Variants in RAD51C observed in about 807,000 individuals in gnomAD.
The protein encoded by RAD51C is RAD51 paralog C.
Under a neutral mutation model 45.0 loss-of-function variants are expected in RAD51C, and 42 were observed. That is an observed-to-expected ratio of 0.93 (90% CI 0.73 to 1.21). RAD51C has a LOEUF of 1.21. RAD51C is among the 50% of genes most tolerant of loss of function. The pLI is 0.00. For synonymous variants in RAD51C, 172 were observed against 159.8 expected (o/e 1.08, Z -0.58); for missense variants, 474 against 452.2 (o/e 1.05, Z -0.44).
intron 3 of RAD51C, among the ~76,000 whole-genome samples, chr17:58,697,547 AAAAAAAAAAACC>A (rs1161027822): frequency 2.2e-5 from 3 of 138,168 alleles, no homozygotes; most frequent in African/African-American, 7.6e-5. Flanking sequence ...TCTTAAAAAA[AAAAAAAAAAACC>A]AAAAAAAAAA....
intron 2 of RAD51C, among the ~76,000 whole-genome samples, chr17:58,695,945 T>TA (rs1392956320): frequency 6.6e-6 from 1 of 151,958 alleles, no homozygotes; most frequent in Non-Finnish European, 1.5e-5. Context: ...TTCACGCCTA[T>TA]AGTCTCAGCT....
Position 58,734,061 on chromosome 17 carries a change from A to G in RAD51C, c.1027-57A>G, listed in dbSNP as rs1323353751. 11 of 1,560,210 alleles carry G rather than the reference A, an allele frequency of 7.1e-6. No homozygotes were observed. The East Asian group carries it at 2.6e-4, about 37-fold the overall frequency. ...TATTAGTTACTTAAAAATATTTCTA[A>G]GATCAGTCTTCAAATGTTCTTAAAG... On this transcript the variant is annotated intron_variant, in intron 8 of 8. Coordinates refer to ENST00000337432, the MANE Select transcript of RAD51C (RefSeq NM_058216.3).
chr17:58,703,621 A>G (rs1214581330), intron 4 of RAD51C, among the ~76,000 whole-genome samples: 2 of 152,196 alleles, frequency 1.3e-5, no homozygotes, highest in Non-Finnish European at 2.9e-5. Flanking sequence ...AATGAAAAAT[A>G]AAAACTTCCT....
At position 58,709,863 on chromosome 17, in the gene RAD51C, G is replaced by A. The variant is rs370393672; in HGVS notation, c.710G>A (p.Arg237Gln). ...PDFLSEHSKV[R>Q]LVIVDGIAFP... ...TATTATCTCTTCTGTATTTAGGTTC[G>A]ACTAGTGATAGTGGATGGTATTGCT... The change falls in exon 5 of 9, where the codon CGA (arginine) becomes CAA (glutamine). Residue 237 changes from arginine (R) to glutamine (Q), a missense_variant. By Grantham distance (43) the Arg-to-Gln change is conservative (BLOSUM62 1). Coordinates refer to ENST00000337432, the MANE Select transcript of RAD51C (RefSeq NM_058216.3). 1.3e-5 allele frequency: 21 copies of A among 1,604,782 alleles called. No individual in the cohort carries two copies. Among genetic ancestry groups the A allele is most frequent in the East Asian group, 2.2e-5 (1 of 44,794 alleles).
At chr17:58,709,716 G>A in intron 4 of RAD51C, 143 bp from the exon 5 acceptor site, 5 of 728,652 alleles carry the variant, frequency 6.9e-6, no homozygotes, top group Non-Finnish European at 1.1e-5. Context: ...ACTGTTCCAG[G>A]CATTGGGGAT....
chr17:58,724,928 ATGTCTATTTTT>A (rs886547134), intron 7 of RAD51C, among the ~76,000 whole-genome samples: 2 of 152,180 alleles, frequency 1.3e-5, no homozygotes, highest in African/African-American at 4.8e-5. Context: ...GCCAGTGAAA[ATGTCTATTTTT>A]TAATCTATAT....
At chr17:58,710,317 T>TAAA (rs71143280) in intron 5 of RAD51C, among the ~76,000 whole-genome samples, 767 of 67,342 alleles carry the variant, frequency 0.011, 29 homozygotes, top group African/African-American at 0.043. Context: ...CTGTCTCTAC[T>TAAA]AAAAAAAAAA....
At chr17:58,725,576 C>G (rs141979235) in intron 7 of RAD51C, among the ~76,000 whole-genome samples, 5 of 152,204 alleles carry the variant, frequency 3.3e-5, no homozygotes, top group African/African-American at 1.2e-4. Flanking sequence ...GAAAAGTTTG[C>G]CTTCTTTGTC....
chr17:58,709,720 T>G (rs1042509419), intron 4 of RAD51C, 139 bp from the exon 5 acceptor site: 100 of 767,698 alleles, frequency 1.3e-4, no homozygotes, highest in Non-Finnish European at 2.0e-4. Context: ...TTCCAGGCAT[T>G]GGGGATGATA....
At chr17:58,713,814 A>G (rs1237862395) in intron 5 of RAD51C, among the ~76,000 whole-genome samples, 1 of 151,882 alleles carries the variant, frequency 6.6e-6, no homozygotes, top group African/African-American at 2.4e-5. Context: ...GCTCCAAAAT[A>G]AATAAATAAA....
chr17:58,692,712 G>A lies in RAD51C; in HGVS notation c.69G>A (p.Val23=), dbSNP rs876659581. ...TGAGTTTCCCGCTGTCTCCAGCGGT[G>A]CGGGTGAAGCTGGTGTCTGCGGGGT... ...DLVSFPLSPA[V]RVKLVSAGFQ... is the part of the protein sequence containing the mutation. The change falls in exon 1 of 9, where the codon GTG becomes GTA. Residue 23 remains valine, a synonymous_variant. Transcript: ENST00000337432. 6.2e-7 allele frequency: 1 copy of A among 1,614,266 alleles called. No homozygotes were observed. The highest frequency in any genetic ancestry group is 8.5e-7 in the Non-Finnish European group (1 of 1,180,052).
At chr17:58,711,211 G>A (rs1002571733) in intron 5 of RAD51C, among the ~76,000 whole-genome samples, 2 of 152,088 alleles carry the variant, frequency 1.3e-5, no homozygotes, top group Non-Finnish European at 2.9e-5. Flanking sequence ...AACAGAAATA[G>A]CTTCACCTTT....
At chr17:58,692,846 CT>C (rs2047826804) in intron 1 of RAD51C, 58 bp downstream of exon 1, 1 of 1,612,124 alleles carries the variant, frequency 6.2e-7, no homozygotes, top group South Asian at 1.1e-5. Flanking sequence ...CCGCCTCAGT[CT>C]TCGTTCTCTC....
chr17:58,708,861 C>A (rs2048459956), intron 4 of RAD51C, among the ~76,000 whole-genome samples: 1 of 151,716 alleles, frequency 6.6e-6, no homozygotes, highest in South Asian at 2.1e-4. Context: ...AGCCACCGCG[C>A]CCAGCCTGAA....
intron 1 of RAD51C, chr17:58,694,330 A>G (rs2047912788): frequency 6.5e-6 from 1 of 154,112 alleles, no homozygotes; most frequent in South Asian, 2.0e-4. Context: ...CAAAAGGGAT[A>G]GTAAAAATAT....
Position 58,720,747 on chromosome 17 carries a change from T to C in RAD51C, c.839T>C (p.Val280Ala). The change falls in exon 6 of 9, where the codon GTA becomes GCA. Residue 280 changes from valine to alanine, a missense_variant and splice_region_variant. By Grantham distance (64) the Val-to-Ala change is moderately conservative. Transcript: ENST00000337432. ...ISLANNHRLA[V>A]ILTNQMTTKI... ...TTTTCTTACATTTTGTTTTTGTAGGTAATTTTAACCAATCAGATGACAACA... is the reference window on the plus strand; with the variant it reads ...TTTTCTTACATTTTGTTTTTGTAGGCAATTTTAACCAATCAGATGACAACA... The C allele has an allele frequency of 6.2e-7, 1 of 1,610,546 alleles. No individual in the cohort carries two copies. The highest frequency in any genetic ancestry group is 8.5e-7 in the Non-Finnish European group (1 of 1,177,104).
chr17:58,734,339 C>A lies in RAD51C; in HGVS notation c.*117C>A. The A allele has an allele frequency of 6.7e-7, 1 of 1,500,652 alleles. No individual in the cohort carries two copies. The highest frequency in any genetic ancestry group is 9.0e-7 in the Non-Finnish European group (1 of 1,113,564). 93.0% of individuals were successfully genotyped at this position (1,500,652 alleles called of 1,614,324 possible). On this transcript the variant is annotated 3_prime_UTR_variant, in exon 9 of 9. Coordinates refer to ENST00000337432, the MANE Select transcript of RAD51C (RefSeq NM_058216.3). ...CACTATGGCATGAATGAATCCAGAT[C>A]ATATGAAGTGAATGGGAAAAATACC... is the stretch of plus-strand genomic sequence containing the variant.
chr17:58,698,084 T>C (rs1384601888), intron 3 of RAD51C, among the ~76,000 whole-genome samples: 1 of 151,544 alleles, frequency 6.6e-6, no homozygotes, highest in African/African-American at 2.4e-5. Context: ...CGATCTCGGC[T>C]CACTGCAGCC....
Position 58,717,390 on chromosome 17 carries a change from A to C in RAD51C, c.838-3356A>C, listed in dbSNP as rs183406547. Among the ~76,000 whole-genome samples the C allele has an allele frequency of 9.5e-4, 144 of 152,158 alleles. 1 individual carries two copies. Among genetic ancestry groups the C allele is most frequent in the African/African-American group, 3.1e-3 (127 of 41,522 alleles). On this transcript the variant is annotated intron_variant, in intron 5 of 8. Transcript: ENST00000337432. ...GGCTGCAGTAAGCTATGATTGTGTC[A>C]TTGCCCCCCAGCCTGGGTGACAGAG...
Sources: allele counts gnomAD v4.1 joint callset (sites outside exome capture counted in the v4.1 genomes callset), GRCh38; gene constraint gnomAD v4.1.1; transcripts MANE v1.5; gene names NCBI Gene and HGNC (gene_info 2026-07-23, HGNC 2026-07-21).